The following ANKRD6 variants were observed in gnomAD, a reference collection of about 807,000 sequenced individuals.
ANKRD6 encodes ankyrin repeat domain 6.
A neutral mutation model predicts 82.3 loss-of-function variants in ANKRD6; 56 were observed. The ratio of observed to expected loss-of-function variants is 0.68; its 90% CI spans 0.55 to 0.85. ANKRD6 has a LOEUF of 0.85. ANKRD6 is among the 40% of genes least tolerant of loss of function. The pLI is 0.00. For missense variants in ANKRD6, 852 were observed against 907.6 expected (o/e 0.94, Z 0.79); for synonymous variants, 347 against 352.1 (o/e 0.99, Z 0.16).
chr6:89,575,206 C>G lies in ANKRD6; in HGVS notation c.120+8110C>G, dbSNP rs139993138. ...ATAATTTCTTTATGGCTTGCTTTTA[C>G]GCAGAAAGGGGAGGAGGGGAAGGTT... On this transcript the variant is annotated intron_variant, in intron 2 of 15. Coordinates refer to ENST00000339746, the MANE Select transcript of ANKRD6 (RefSeq NM_001242809.2). Among the ~76,000 whole-genome samples, 1,311 of 152,162 alleles carry G rather than the reference C, an allele frequency of 8.6e-3. 19 individuals are homozygous for G. Among genetic ancestry groups the G allele is most frequent in the African/African-American group, 0.03 (1,237 of 41,500 alleles).
At chr6:89,438,996 G>GTA (rs146496866) in intron 1 of ANKRD6, among the ~76,000 whole-genome samples, 10,334 of 151,892 alleles carry the variant, frequency 0.068, 386 homozygotes, top group South Asian at 0.15. Context: ...GTATGTGTTT[G>GTA]TATATATGTA....
chr6:89,553,330 G>A (rs182851630), intron 1 of ANKRD6, among the ~76,000 whole-genome samples: 5 of 152,340 alleles, frequency 3.3e-5, no homozygotes, highest in South Asian at 2.1e-4. Flanking sequence ...GAGATTGAGC[G>A]TGTGCCTGAG....
At chr6:89,472,801 T>C (rs993529651) in intron 1 of ANKRD6, among the ~76,000 whole-genome samples, 1 of 152,146 alleles carries the variant, frequency 6.6e-6, no homozygotes, top group Non-Finnish European at 1.5e-5. Flanking sequence ...CTGGTTACCT[T>C]GGCTCATACG....
chr6:89,573,080 C>G (rs189510826), intron 2 of ANKRD6, among the ~76,000 whole-genome samples: 121 of 152,208 alleles, frequency 7.9e-4, no homozygotes, highest in African/African-American at 2.7e-3. Context: ...CCTGCCTCAG[C>G]CTCCTGAGTA....
chr6:89,612,506 C>CT (rs1022267228), intron 6 of ANKRD6, 136 bp downstream of exon 6: 8 of 880,264 alleles, frequency 9.1e-6, no homozygotes, highest in African/African-American at 3.4e-5. Flanking sequence ...CTAAAGTGTT[C>CT]TTTTTTTGGC....
At chr6:89,508,165 C>A (rs1780099120) in intron 1 of ANKRD6, among the ~76,000 whole-genome samples, 1 of 152,156 alleles carries the variant, frequency 6.6e-6, no homozygotes. Flanking sequence ...ATTTAGTATT[C>A]CGTACTGTTT....
intron 2 of ANKRD6, among the ~76,000 whole-genome samples, chr6:89,593,358 C>T (rs112433034): frequency 6.8e-4 from 104 of 152,348 alleles, no homozygotes; most frequent in African/African-American, 2.1e-3. Flanking sequence ...CCAGTGGAAC[C>T]TGGTCATGCC....
chr6:89,613,347 T>C (rs550255813), intron 6 of ANKRD6, among the ~76,000 whole-genome samples: 2 of 152,314 alleles, frequency 1.3e-5, no homozygotes, highest in South Asian at 4.1e-4. Context: ...ACCCCCCTGC[T>C]GCCCTGTCCT....
At chr6:89,600,728 G>A (rs1283042964) in intron 3 of ANKRD6, among the ~76,000 whole-genome samples, 2 of 152,048 alleles carry the variant, frequency 1.3e-5, no homozygotes, top group South Asian at 4.2e-4. Flanking sequence ...GAAATCTTAC[G>A]GAAATTTTAA....
At chr6:89,484,339 G>A (rs1777128891) in intron 1 of ANKRD6, among the ~76,000 whole-genome samples, 1 of 152,104 alleles carries the variant, frequency 6.6e-6, no homozygotes, top group Admixed American at 6.5e-5. Context: ...TCATGCTGTG[G>A]GCTTATTTTT....
Position 89,600,900 on chromosome 6 carries a change from G to T in ANKRD6, c.220-2129G>T, listed in dbSNP as rs150253415. Among the ~76,000 whole-genome samples, 3 of 152,122 alleles carry T rather than the reference G, an allele frequency of 2.0e-5. No individual in the cohort carries two copies. The East Asian group carries it at 5.8e-4, about 29-fold the overall frequency. On this transcript the variant is annotated intron_variant, in intron 3 of 15. Transcript: ENST00000339746. Reference sequence around the variant, plus strand: ...AAAATATAAAAAAAAAATTAGGCATGGTGGCAAGTGTCTGTAATCCCAGCT... The same window carrying T: ...AAAATATAAAAAAAAAATTAGGCATTGTGGCAAGTGTCTGTAATCCCAGCT...
At chr6:89,491,363 C>T (rs923971670) in intron 1 of ANKRD6, among the ~76,000 whole-genome samples, 2 of 152,144 alleles carry the variant, frequency 1.3e-5, no homozygotes, top group African/African-American at 2.4e-5. Context: ...AGGAGGGTTG[C>T]TCTTACTTCC....
At chr6:89,521,615 T>C (rs1781898626) in intron 1 of ANKRD6, among the ~76,000 whole-genome samples, 1 of 152,208 alleles carries the variant, frequency 6.6e-6, no homozygotes, top group Non-Finnish European at 1.5e-5. Context: ...ACAAGTCCAG[T>C]TGTGGTACTT....
At chr6:89,543,174 G>A (rs1784633434) in intron 1 of ANKRD6, among the ~76,000 whole-genome samples, 1 of 152,176 alleles carries the variant, frequency 6.6e-6, no homozygotes, top group Non-Finnish European at 1.5e-5. Context: ...ATCTTGTAAA[G>A]GAAAATATAC....
intron 10 of ANKRD6, among the ~76,000 whole-genome samples, chr6:89,622,623 A>G (rs994546708): frequency 3.9e-5 from 6 of 152,152 alleles, no homozygotes; most frequent in African/African-American, 1.4e-4. Flanking sequence ...CCCTGGGCAG[A>G]CCCACTGTGC....
intron 1 of ANKRD6, among the ~76,000 whole-genome samples, chr6:89,461,658 G>A (rs1774156574): frequency 1.3e-5 from 2 of 152,116 alleles, no homozygotes; most frequent in African/African-American, 4.8e-5. Context: ...ATTAAAATAT[G>A]GTAGTATAAG....
At chr6:89,453,183 G>A (rs540092862) in intron 1 of ANKRD6, among the ~76,000 whole-genome samples, 3 of 152,260 alleles carry the variant, frequency 2.0e-5, no homozygotes, top group Non-Finnish European at 4.4e-5. Context: ...TTATGGTACT[G>A]TAAAAATGAT....
rs1804624388 is a variant in ANKRD6 at position 89,623,951 on chromosome 6, C to A, written c.1112C>A (p.Pro371His). Residue 371 changes from proline (P) to histidine (H), a missense_variant, in exon 12 of 16, where the codon CCT becomes CAT. By Grantham distance (77) the Pro-to-His change is moderately conservative (BLOSUM62 -2). Transcript: ENST00000339746. The stretch of plus-strand genomic sequence containing the variant: ...AAGAACCTGCATGCTCATAATCACC[C>A]TAAAAAGAGGAACAGGCATCGGTGT... ...HQKNLHAHNH[P>H]KKRNRHRCSS... The A allele has an allele frequency of 1.2e-6, 2 of 1,613,888 alleles. No homozygotes were observed. The highest frequency in any genetic ancestry group is 1.7e-6 in the Non-Finnish European group (2 of 1,179,854).
intron 1 of ANKRD6, among the ~76,000 whole-genome samples, chr6:89,518,402 C>CA (rs1217212093): frequency 0.093 from 10,102 of 109,150 alleles, 394 homozygotes; most frequent in South Asian, 0.16. Flanking sequence ...GACTCCGTCT[C>CA]AAAAAAAAAA....
Sources: allele counts gnomAD v4.1 joint callset (sites outside exome capture counted in the v4.1 genomes callset), GRCh38; gene constraint gnomAD v4.1.1; transcripts MANE v1.5; gene names NCBI Gene and HGNC (gene_info 2026-07-23, HGNC 2026-07-21).